ZCCHC7: variants seen among roughly 807,000 people sequenced by gnomAD.
ZCCHC7 encodes the protein zinc finger CCHC-type containing 7.
Under a neutral mutation model 52.0 loss-of-function variants are expected in ZCCHC7, and 35 were observed. The observed-to-expected ratio is 0.67, with a 90% confidence interval of 0.51 to 0.89. ZCCHC7 has a LOEUF of 0.89. Among genes scored for constraint, ZCCHC7 ranks in the 40% least tolerant of loss-of-function variants. The pLI, the probability that ZCCHC7 is intolerant of heterozygous loss-of-function variation, is 0.00. For missense variants in ZCCHC7, 574 were observed against 649.1 expected, an observed-to-expected ratio of 0.88 and a Z score of 1.26; for synonymous variants, 217 against 221.5, an observed-to-expected ratio of 0.98 and a Z score of 0.18.
At chr9:37,223,069 A>G (rs1339735466) in intron 2 of ZCCHC7, among the ~76,000 whole-genome samples, 2 of 152,178 alleles carry the variant, frequency 1.3e-5, no homozygotes, top group South Asian at 2.1e-4. Flanking sequence ...CTGAAAGGCA[A>G]TTGGGCCATA....
chr9:37,263,422 T>C (rs1826957305), intron 2 of ZCCHC7, among the ~76,000 whole-genome samples: 1 of 152,178 alleles, frequency 6.6e-6, no homozygotes, highest in Non-Finnish European at 1.5e-5. Flanking sequence ...CATTTATATT[T>C]GTACCTTGCT....
chr9:37,271,654 C>T lies in ZCCHC7; in HGVS notation c.611-30534C>T, dbSNP rs561778624. On this transcript the variant is annotated intron_variant, in intron 2 of 8. Coordinates refer to ENST00000336755, the MANE Select transcript of ZCCHC7 (RefSeq NM_032226.3). ...GCACAATCTCGGCTCACTGCAACCT[C>T]CGCCCTCCAGGTTCAAGCAATTCTC... Among the ~76,000 whole-genome samples, 4 of 152,296 alleles carry T rather than the reference C, an allele frequency of 2.6e-5. No homozygotes were observed. The South Asian group carries it at 8.3e-4, about 32-fold the overall frequency.
At chr9:37,155,106 A>G (rs1349752511) in intron 2 of ZCCHC7, among the ~76,000 whole-genome samples, 1 of 152,124 alleles carries the variant, frequency 6.6e-6, no homozygotes, top group East Asian at 1.9e-4. Flanking sequence ...CACACCTGTA[A>G]TCCCAGCACT....
At chr9:37,288,249 C>T (rs1240411445) in intron 2 of ZCCHC7, among the ~76,000 whole-genome samples, 1 of 150,300 alleles carries the variant, frequency 6.7e-6, no homozygotes, top group Non-Finnish European at 1.5e-5. Flanking sequence ...CACTACACTC[C>T]AGCCTGGGTG....
At chr9:37,222,486 C>G (rs1226762240) in intron 2 of ZCCHC7, among the ~76,000 whole-genome samples, 1 of 151,364 alleles carries the variant, frequency 6.6e-6, no homozygotes, top group Non-Finnish European at 1.5e-5. Context: ...CATTTCTGCT[C>G]CATACTATAC....
intron 2 of ZCCHC7, among the ~76,000 whole-genome samples, chr9:37,214,181 A>G (rs886818587): frequency 2.4e-4 from 37 of 152,134 alleles, no homozygotes; most frequent in African/African-American, 8.9e-4. Flanking sequence ...GTAGTTTAAC[A>G]TAAAATCATA....
intron 5 of ZCCHC7, among the ~76,000 whole-genome samples, chr9:37,308,643 C>G (rs1452234915): frequency 6.6e-6 from 1 of 151,970 alleles, no homozygotes; most frequent in Non-Finnish European, 1.5e-5. Context: ...ATGGTATGCT[C>G]CTGTAATATC....
chr9:37,288,649 T>C (rs953853926), intron 2 of ZCCHC7, among the ~76,000 whole-genome samples: 3 of 152,178 alleles, frequency 2.0e-5, no homozygotes, highest in Non-Finnish European at 4.4e-5. Context: ...CCAGTGACTT[T>C]CCTAATAAAT....
rs138945354 is a variant in ZCCHC7 at position 37,279,994 on chromosome 9, A to C, written c.611-22194A>C. On this transcript the variant is annotated intron_variant, in intron 2 of 8. Coordinates refer to ENST00000336755, the MANE Select transcript of ZCCHC7 (RefSeq NM_032226.3). ...ACAGTGAAACCCTGTCTCTACTAAAAATACAAAAAATTAGCCGGTCCTGGC... is the reference window on the plus strand; with the variant it reads ...ACAGTGAAACCCTGTCTCTACTAAACATACAAAAAATTAGCCGGTCCTGGC... 4.3e-3 allele frequency among the ~76,000 whole-genome samples: 650 copies of C among 152,228 alleles called. 4 individuals carry two copies. The highest frequency in any genetic ancestry group is 0.015 in the African/African-American group (610 of 41,544).
chr9:37,324,211 T>G (rs1217217809), intron 5 of ZCCHC7, among the ~76,000 whole-genome samples: 1 of 152,214 alleles, frequency 6.6e-6, no homozygotes, highest in African/African-American at 2.4e-5. Flanking sequence ...AGGATTCTGT[T>G]AAAAAGTTGT....
intron 2 of ZCCHC7, among the ~76,000 whole-genome samples, chr9:37,174,557 G>C (rs1821914289): frequency 6.6e-6 from 1 of 152,056 alleles, no homozygotes; most frequent in Non-Finnish European, 1.5e-5. Flanking sequence ...CTCAATAAAG[G>C]CATAGAAAAT....
intron 2 of ZCCHC7, among the ~76,000 whole-genome samples, chr9:37,279,277 G>C (rs1004904223): frequency 2.0e-5 from 3 of 151,942 alleles, no homozygotes; most frequent in East Asian, 1.9e-4. Context: ...TATCAGAAAG[G>C]ACTGGGATGG....
At chr9:37,309,622 G>C (rs1211118165) in intron 5 of ZCCHC7, among the ~76,000 whole-genome samples, 1 of 151,976 alleles carries the variant, frequency 6.6e-6, no homozygotes, top group Non-Finnish European at 1.5e-5. Flanking sequence ...ATAAATTGAC[G>C]ATATTGAGAA....
Position 37,304,155 on chromosome 9 carries a change from ATTTTTTTAATTCTTGAT to A in ZCCHC7, c.655-25_655-9del, listed in dbSNP as rs1829181406. ...ATGGCTTTTATTTAGCAGTGAAACA[ATTTTTTTAATTCTTGAT>A]TTTTTTTTCCCTTAGGCCCAGATAG... On this transcript the variant is annotated splice_polypyrimidine_tract_variant and intron_variant, in intron 3 of 8. Transcript: ENST00000336755. The A allele has an allele frequency of 2.5e-6, 4 of 1,572,642 alleles. No individual in the cohort carries two copies. Among genetic ancestry groups the A allele is most frequent in the Non-Finnish European group, 3.4e-6 (4 of 1,167,298 alleles).
At chr9:37,329,050 T>C (rs2118203021) in intron 6 of ZCCHC7, among the ~76,000 whole-genome samples, 1 of 152,030 alleles carries the variant, frequency 6.6e-6, no homozygotes, top group Admixed American at 6.6e-5. Flanking sequence ...TATCCTATCA[T>C]AATATAGTGA....
intron 5 of ZCCHC7, among the ~76,000 whole-genome samples, chr9:37,316,857 C>T (rs1829844114): frequency 7.2e-6 from 1 of 138,280 alleles, no homozygotes; most frequent in South Asian, 2.3e-4. Flanking sequence ...GGTGGGATTT[C>T]ACATAAGCCT....
At chr9:37,236,988 C>T (rs570379285) in intron 2 of ZCCHC7, among the ~76,000 whole-genome samples, 1 of 152,208 alleles carries the variant, frequency 6.6e-6, no homozygotes, top group Admixed American at 6.5e-5. Flanking sequence ...AGAAGTTTCC[C>T]GTAGGTCCTA....
intron 6 of ZCCHC7, among the ~76,000 whole-genome samples, chr9:37,334,526 G>A (rs1300218546): frequency 6.6e-6 from 1 of 151,980 alleles, no homozygotes; most frequent in East Asian, 1.9e-4. Context: ...AAGCTGTGGT[G>A]ATAAACTTAA....
At chr9:37,311,801 T>C (rs1322312563) in intron 5 of ZCCHC7, among the ~76,000 whole-genome samples, 3 of 152,252 alleles carry the variant, frequency 2.0e-5, no homozygotes, top group African/African-American at 7.2e-5. Context: ...TAAGGAGAAC[T>C]CAGTTTAAAC....
Sources: gnomAD v4.1 joint callset for allele counts (sites outside exome capture counted in the v4.1 genomes callset) on GRCh38, gnomAD v4.1.1 for gene constraint, MANE v1.5 for transcripts, NCBI Gene and HGNC (gene_info 2026-07-23, HGNC 2026-07-21) for gene names.